Variants in MDM4 observed in about 807,000 individuals in gnomAD.
MDM4 encodes MDM4 regulator of p53, also known as protein Mdm4.
MDM4 carries 2 observed loss-of-function variants against 60.2 expected under a neutral mutation model. That is an observed-to-expected ratio of 0.03 (90% CI 0.01 to 0.10). The LOEUF is 0.10. Ranked by LOEUF, MDM4 falls within the 10% of genes least tolerant of loss-of-function variation. The pLI, the probability that MDM4 is intolerant of heterozygous loss-of-function variation, is 1.00. For missense variants in MDM4, 447 were observed against 577.5 expected, an observed-to-expected ratio of 0.77 and a Z score of 2.32; for synonymous variants, 202 against 198.1, an observed-to-expected ratio of 1.02 and a Z score of -0.17.
rs557473906 is a variant in MDM4 at position 204,549,230 on chromosome 1, C to T, written c.1021C>T (p.Leu341Phe). 1 of 1,613,996 alleles carries T rather than the reference C, an allele frequency of 6.2e-7. No individual in the cohort carries two copies. The highest frequency in any genetic ancestry group is 1.7e-5 in the Admixed American group (1 of 60,028). ...YSDCSKLTHS[L>F]STSDITAIPE... is the part of the protein sequence containing the mutation. ...AGATTGTTCAAAGTTAACCCATTCTCTCTCCACGTCTGATATCACTGCCAT... is the reference window on the plus strand; with the variant it reads ...AGATTGTTCAAAGTTAACCCATTCTTTCTCCACGTCTGATATCACTGCCAT... The change falls in exon 11 of 11, where the codon CTC becomes TTC. Residue 341 changes from leucine to phenylalanine, a missense_variant. Physicochemically the swap from Leu to Phe is conservative, Grantham distance 22. Coordinates refer to ENST00000367182, the MANE Select transcript of MDM4 (RefSeq NM_002393.5).
Position 204,552,072 on chromosome 1 carries a change from G to A in MDM4, c.*2390G>A. On this transcript the variant is annotated 3_prime_UTR_variant, in exon 11 of 11. Coordinates refer to ENST00000367182, the MANE Select transcript of MDM4 (RefSeq NM_002393.5). ...GAGATCACCTAGGTCGGGAGTTTGA[G>A]ACCAGCCTGACCGACATGGAGAAAC... 1 of 165,164 alleles carries A rather than the reference G, an allele frequency of 6.1e-6. No homozygotes were observed. Among genetic ancestry groups the A allele is most frequent in the Non-Finnish European group, 1.3e-5 (1 of 76,092 alleles). The allele number at this position is 165,164 out of a possible 1,614,324, so 10.2% of individuals were successfully genotyped here.
At chr1:204,531,919 G>C (rs1660897319) in intron 4 of MDM4, among the ~76,000 whole-genome samples, 1 of 152,142 alleles carries the variant, frequency 6.6e-6, no homozygotes, top group Non-Finnish European at 1.5e-5. Context: ...TTCCAAAAGA[G>C]ATTTCCCCAC....
Position 204,552,858 on chromosome 1 carries a change from A to ATTACT in MDM4, c.*3178_*3179insACTTT, listed in dbSNP as rs947952299. On this transcript the variant is annotated 3_prime_UTR_variant, in exon 11 of 11. Transcript: ENST00000367182. ...CTTTACTTGTAGGAAACTTTAAACT[A>ATTACT]TTTCTTTTCTTTTCTTTTTTTTTTT... 1 of 144,144 alleles carries ATTACT rather than the reference A, an allele frequency of 6.9e-6. No homozygotes were observed. The highest frequency in any genetic ancestry group is 1.5e-5 in the Non-Finnish European group (1 of 68,762). The allele number at this position is 144,144 out of a possible 1,614,324, so 8.9% of individuals were successfully genotyped here. A position where few individuals can be genotyped will look rare whatever the true frequency, so the allele number is the denominator to read the frequency against.
intron 10 of MDM4, among the ~76,000 whole-genome samples, chr1:204,547,591 C>T (rs1317323807): frequency 1.3e-5 from 2 of 152,270 alleles, no homozygotes; most frequent in East Asian, 3.9e-4. Context: ...TGATCCTTCC[C>T]CCATTCCCAC....
At chr1:204,530,461 T>G (rs902704001) in intron 3 of MDM4, among the ~76,000 whole-genome samples, 1 of 152,216 alleles carries the variant, frequency 6.6e-6, no homozygotes, top group Admixed American at 6.5e-5. Flanking sequence ...TTCATTTCTG[T>G]GCTGAAAAGT....
At chr1:204,542,644 T>C (rs1051863520) in intron 7 of MDM4, 140 bp from the exon 8 acceptor site, 23 of 623,356 alleles carry the variant, frequency 3.7e-5, no homozygotes, top group African/African-American at 5.6e-5. Context: ...CTAAGACAGA[T>C]ACTTGATTTC....
rs1464897867 is a variant in MDM4 at position 204,549,722 on chromosome 1, TACC to T, written c.*43_*45del. ...TAAAAATGCATTTATTCCGTTCACT[TACC>T]ACATTATTTGAAAATCAATCCTTTA... On this transcript the variant is annotated 3_prime_UTR_variant, in exon 11 of 11. Transcript: ENST00000367182. 9.1e-7 allele frequency: 1 copy of T among 1,096,320 alleles called. No individual in the cohort carries two copies. The highest frequency in any genetic ancestry group is 2.6e-5 in the Admixed American group (1 of 37,812). The allele number at this position is 1,096,320 out of a possible 1,614,324, so 67.9% of individuals were successfully genotyped here.
Position 204,548,359 on chromosome 1 carries a change from T to G in MDM4, c.904-754T>G, listed in dbSNP as rs72753808. ...ACAATTGAGTTATGACTTCTAGACT[T>G]GAAGTGCTTGGCCTTTGACCTAAAA... On this transcript the variant is annotated intron_variant, in intron 10 of 10. Coordinates refer to ENST00000367182, the MANE Select transcript of MDM4 (RefSeq NM_002393.5). Among the ~76,000 whole-genome samples the G allele has an allele frequency of 8.2e-3, 1,243 of 152,346 alleles. 9 individuals carry two copies. The highest frequency in any genetic ancestry group is 0.012 in the Non-Finnish European group (830 of 68,030).
At chr1:204,537,002 C>A in intron 5 of MDM4, 1 of 326,352 alleles carries the variant, frequency 3.1e-6, no homozygotes, top group South Asian at 2.5e-5. Flanking sequence ...CCCTGTATGA[C>A]TTAACACTTG....
intron 7 of MDM4, among the ~76,000 whole-genome samples, chr1:204,541,162 C>G (rs1331708840): frequency 6.6e-6 from 1 of 151,898 alleles, no homozygotes; most frequent in Non-Finnish European, 1.5e-5. Flanking sequence ...TGGCTGGGCA[C>G]TGTTAGAAAA....
chr1:204,526,253 C>A, intron 2 of MDM4, 107 bp from the exon 3 acceptor site: 2 of 931,298 alleles, frequency 2.1e-6, no homozygotes, highest in Non-Finnish European at 3.4e-6. Context: ...AAGACCTTGC[C>A]TCAAAAAACA....
chr1:204,537,307 A>G (rs982429535), intron 5 of MDM4, 123 bp from the exon 6 acceptor site: 2 of 666,748 alleles, frequency 3.0e-6, no homozygotes, highest in Admixed American at 2.7e-5. Flanking sequence ...TGTCCAGCCA[A>G]CATGGAGAAG....
chr1:204,541,534 G>A (rs1662081922), intron 7 of MDM4, among the ~76,000 whole-genome samples: 1 of 152,096 alleles, frequency 6.6e-6, no homozygotes, highest in Non-Finnish European at 1.5e-5. Context: ...AACTCAAGGG[G>A]GGATATGTAG....
chr1:204,538,475 G>A (rs1322164419), intron 7 of MDM4, among the ~76,000 whole-genome samples, 167 bp downstream of exon 7: 1 of 152,112 alleles, frequency 6.6e-6, no homozygotes, highest in Non-Finnish European at 1.5e-5. Context: ...GCTTTGAAGA[G>A]GTAGTGCTAT....
intron 7 of MDM4, among the ~76,000 whole-genome samples, chr1:204,541,060 G>A (rs1662021049): frequency 1.3e-5 from 2 of 152,296 alleles, no homozygotes; most frequent in East Asian, 3.9e-4. Context: ...AACTATTCCA[G>A]TCTATATGAT....
chr1:204,539,019 G>A (rs4252707), intron 7 of MDM4, among the ~76,000 whole-genome samples: 27,013 of 151,896 alleles, frequency 0.18, 2,620 homozygotes, highest in East Asian at 0.38. Context: ...ACAGGCGCAC[G>A]CCACCACACC....
In MDM4 at chr1:204,550,366, TG is replaced by T. The variant is rs1388504307; in HGVS notation, c.*685del. ...TTTTTGTGGAGATGAAGTCTCACTATGTTGCCCAGGCTGGTCTCGAACTCCT... is the reference window on the plus strand; with the variant it reads ...TTTTTGTGGAGATGAAGTCTCACTATTTGCCCAGGCTGGTCTCGAACTCCT... On this transcript the variant is annotated 3_prime_UTR_variant, in exon 11 of 11. Transcript: ENST00000367182. 1 of 215,120 alleles carries T rather than the reference TG, an allele frequency of 4.6e-6. No homozygotes were observed. Among genetic ancestry groups the T allele is most frequent in the African/African-American group, 2.3e-5 (1 of 44,332 alleles). 13.3% of individuals were successfully genotyped at this position (215,120 alleles called of 1,614,324 possible).
At chr1:204,538,177 C>A in intron 6 of MDM4, 32 bp from the exon 7 acceptor site, 1 of 1,201,544 alleles carries the variant, frequency 8.3e-7, no homozygotes, top group Non-Finnish European at 1.2e-6. Context: ...GTTATTTCTA[C>A]TGCACTGATG....
chr1:204,548,055 T>C (rs1662842640), intron 10 of MDM4, among the ~76,000 whole-genome samples: 1 of 152,234 alleles, frequency 6.6e-6, no homozygotes, highest in South Asian at 2.1e-4. Context: ...CTGTGGCTAC[T>C]TGGGTGCAGA....
Sources: gnomAD v4.1 joint callset for allele counts (sites outside exome capture counted in the v4.1 genomes callset) on GRCh38, gnomAD v4.1.1 for gene constraint, MANE v1.5 for transcripts, NCBI Gene and HGNC (gene_info 2026-07-23, HGNC 2026-07-21) for gene names.